Variants in SBF2 observed in about 807,000 individuals in gnomAD.
SBF2 encodes myotubularin-related protein 13.
SBF2 carries 112 observed loss-of-function variants against 225.2 expected under a neutral mutation model. The observed-to-expected ratio is 0.50, with a 90% CI of 0.43 to 0.58. The LOEUF (loss-of-function observed/expected upper bound fraction) is 0.58. Ranked by LOEUF, SBF2 falls within the 20% of genes least tolerant of loss-of-function variation. The probability of loss-of-function intolerance (pLI) is 0.00; values close to 1 mark genes in which losing one functional copy is unlikely to be tolerated. For missense variants in SBF2, 1,996 were observed against 2,206.2 expected, an observed-to-expected ratio of 0.90 and a Z score of 1.91; for synonymous variants, 763 against 773.3, an observed-to-expected ratio of 0.99 and a Z score of 0.22.
At chr11:10,227,570 A>C (rs1958626845) in intron 1 of SBF2, among the ~76,000 whole-genome samples, 1 of 152,188 alleles carries the variant, frequency 6.6e-6, no homozygotes, top group Non-Finnish European at 1.5e-5. Flanking sequence ...ACCATTTATT[A>C]AATAGGGAAT....
intron 25 of SBF2, among the ~76,000 whole-genome samples, chr11:9,841,128 A>G (rs571936618): frequency 6.6e-6 from 1 of 152,352 alleles, no homozygotes; most frequent in Non-Finnish European, 1.5e-5. Context: ...TTAAAAAAGC[A>G]GAACATCAAC....
intron 37 of SBF2, 169 bp downstream of exon 37, chr11:9,784,956 T>G: frequency 1.4e-6 from 1 of 704,978 alleles, no homozygotes; most frequent in Non-Finnish European, 2.4e-6. Flanking sequence ...TAATTTTTGT[T>G]TTTTGTCTTT....
At position 10,028,474 on chromosome 11, in the gene SBF2, C is replaced by T. The variant is rs1377786733; in HGVS notation, c.597G>A (p.Val199=). 6.2e-7 allele frequency: 1 copy of T among 1,612,086 alleles called. No homozygotes were observed. The highest frequency in any genetic ancestry group is 8.5e-7 in the Non-Finnish European group (1 of 1,178,270). ...TACCCAATTGCTGGAACAGGAGAGC[C>T]ACACTAGTGCCCGTGATAGGAAGAC... ...HDSLPITGTS[V]ALLFQQLGIQ... is the part of the protein sequence containing the mutation. The change falls in exon 6 of 40, where the codon GTG becomes GTA. Residue 199 remains valine (V), a synonymous_variant. Coordinates refer to ENST00000256190, the MANE Select transcript of SBF2 (RefSeq NM_030962.4).
Position 10,177,635 on chromosome 11 carries a change from G to A in SBF2, c.141+16267C>T, listed in dbSNP as rs1264382583. On this transcript the variant is annotated intron_variant, in intron 2 of 39. Transcript: ENST00000256190. ...AAATACCTAGGAATCCAACTTACAAGGGATGTGAAGGACCTCTCCAAGGAG... is the reference window on the plus strand; with the variant it reads ...AAATACCTAGGAATCCAACTTACAAAGGATGTGAAGGACCTCTCCAAGGAG... 3.6e-3 allele frequency among the ~76,000 whole-genome samples: 548 copies of A among 151,364 alleles called. 4 individuals carry two copies. Among genetic ancestry groups the A allele is most frequent in the Middle Eastern group, 0.027 (8 of 294 alleles).
At chr11:9,812,093 T>C (rs1440664485) in intron 30 of SBF2, among the ~76,000 whole-genome samples, 1 of 151,704 alleles carries the variant, frequency 6.6e-6, no homozygotes, top group Non-Finnish European at 1.5e-5. Flanking sequence ...TGGTGGGTAG[T>C]GTGGGGTGGA....
intron 3 of SBF2, among the ~76,000 whole-genome samples, chr11:10,041,417 G>C (rs1255559530): frequency 6.6e-6 from 1 of 152,138 alleles, no homozygotes; most frequent in Non-Finnish European, 1.5e-5. Flanking sequence ...GGCTATGTTA[G>C]TCTGATAGTC....
chr11:10,258,363 T>G (rs553277508), intron 1 of SBF2, among the ~76,000 whole-genome samples: 50 of 152,314 alleles, frequency 3.3e-4, no homozygotes, highest in South Asian at 2.1e-4. Flanking sequence ...CCACTGTGGC[T>G]TCCCAAAGTG....
At chr11:10,032,228 C>T (rs771583139) in intron 3 of SBF2, among the ~76,000 whole-genome samples, 3 of 152,144 alleles carry the variant, frequency 2.0e-5, no homozygotes, top group Non-Finnish European at 4.4e-5. Flanking sequence ...ATGATTCTCC[C>T]GCTTAACAAA....
Position 10,008,773 on chromosome 11 carries a change from G to A in SBF2, c.620-6084C>T, listed in dbSNP as rs547092417. ...TGTCTTGAGCTGAGGGGGGCCTACA[G>A]TCCAGCTGGCTCCCAGATCAAACAT... On this transcript the variant is annotated intron_variant, in intron 6 of 39. Coordinates refer to ENST00000256190, the MANE Select transcript of SBF2 (RefSeq NM_030962.4). Among the ~76,000 whole-genome samples, 14 of 152,338 alleles carry A rather than the reference G, an allele frequency of 9.2e-5. No homozygotes were observed. In the South Asian group the frequency reaches 2.7e-3, roughly 29 times the overall value.
intron 16 of SBF2, among the ~76,000 whole-genome samples, chr11:9,903,934 T>A (rs1861927828): frequency 6.6e-6 from 1 of 152,102 alleles, no homozygotes; most frequent in Non-Finnish European, 1.5e-5. Flanking sequence ...CAATTAACAC[T>A]TTAGTGTACC....
At chr11:10,193,417 C>A (rs948130810) in intron 2 of SBF2, among the ~76,000 whole-genome samples, 4 of 145,414 alleles carry the variant, frequency 2.8e-5, no homozygotes, top group Middle Eastern at 3.9e-3. Context: ...CGCAGTGGCA[C>A]GATCTTGGCT....
Position 9,789,356 on chromosome 11 carries a change from CAG to C in SBF2, c.4699-16_4699-15del, listed in dbSNP as rs1167525603. 1 of 1,599,614 alleles carries C rather than the reference CAG, an allele frequency of 6.3e-7. No homozygotes were observed. Among genetic ancestry groups the C allele is most frequent in the East Asian group, 2.2e-5 (1 of 44,764 alleles). ...GGGCTTTAGAGCCTGTTAAAGAAAA[CAG>C]AAATATAGTTTCATCTTGACCCCAA... On this transcript the variant is annotated splice_polypyrimidine_tract_variant and intron_variant, in intron 34 of 39. Coordinates refer to ENST00000256190, the MANE Select transcript of SBF2 (RefSeq NM_030962.4).
At position 9,896,084 on chromosome 11, in the gene SBF2, TG is replaced by T; in HGVS notation, c.1861-74del. The T allele has an allele frequency of 4.4e-6, 5 of 1,138,912 alleles. No individual in the cohort carries two copies. In the South Asian group the frequency reaches 6.2e-5, roughly 14 times the overall value. 70.6% of individuals were successfully genotyped at this position (1,138,912 alleles called of 1,614,324 possible). On this transcript the variant is annotated intron_variant, in intron 16 of 39. Coordinates refer to ENST00000256190, the MANE Select transcript of SBF2 (RefSeq NM_030962.4). ...TCACAAATACATGCGAACTAACATC[TG>T]GGATACACTGTTTACTGTCCTATGG...
chr11:10,007,698 C>A (rs573663672), intron 6 of SBF2, among the ~76,000 whole-genome samples: 1 of 152,208 alleles, frequency 6.6e-6, no homozygotes, highest in Admixed American at 6.5e-5. Flanking sequence ...AAGATGACGG[C>A]TCAAACCCCA....
At chr11:10,252,835 C>CAAAG (rs1565403095) in intron 1 of SBF2, among the ~76,000 whole-genome samples, 13 of 141,140 alleles carry the variant, frequency 9.2e-5, no homozygotes, top group Non-Finnish European at 1.4e-4. Context: ...AAAAAAAAAT[C>CAAAG]AAAAAAAAGA....
rs1209707574 is a variant in SBF2 at position 9,832,266 on chromosome 11, C to T, written c.3610G>A (p.Gly1204Arg). ...TGAGATTTGAAAAGACCAACGACTC[C>T]CTTCCCATGGAATCCTCCAGATCGG... The part of the protein sequence containing the change: ...LLRSGGFHGK[G>R]VVGLFKSQNS... The change falls in exon 27 of 40, where the codon GGA becomes AGA. Residue 1204 changes from glycine (G) to arginine (R), a missense_variant. Gly to Arg is a moderately radical substitution (Grantham distance 125). Transcript: ENST00000256190. The T allele has an allele frequency of 1.9e-6, 3 of 1,614,172 alleles. No individual in the cohort carries two copies. Among genetic ancestry groups the T allele is most frequent in the South Asian group, 2.2e-5 (2 of 91,080 alleles).
intron 2 of SBF2, among the ~76,000 whole-genome samples, chr11:10,054,965 G>A (rs1168092653): frequency 2.0e-5 from 3 of 151,840 alleles, no homozygotes; most frequent in Admixed American, 6.6e-5. Context: ...GCTGGAGTGC[G>A]GTGGCAAGAT....
At chr11:9,918,669 C>T (rs1484843537) in intron 16 of SBF2, among the ~76,000 whole-genome samples, 2 of 152,152 alleles carry the variant, frequency 1.3e-5, no homozygotes, top group Non-Finnish European at 2.9e-5. Flanking sequence ...CTACGCCTGG[C>T]CCCTTTGCCT....
At chr11:10,179,811 T>TAA (rs1474331121) in intron 2 of SBF2, among the ~76,000 whole-genome samples, 1 of 152,180 alleles carries the variant, frequency 6.6e-6, no homozygotes. Context: ...TGAAGGTAAT[T>TAA]TTCTCTGGTG....
Sources: allele counts gnomAD v4.1 joint callset (sites outside exome capture counted in the v4.1 genomes callset), GRCh38; gene constraint gnomAD v4.1.1; transcripts MANE v1.5; gene names NCBI Gene and HGNC (gene_info 2026-07-23, HGNC 2026-07-21).